The following CLECL1 variants were observed in gnomAD, a reference collection of about 807,000 sequenced individuals.
The protein encoded by CLECL1 is C-type lectin like 1.
At chr12:9,702,920 G>A in the CLECL1 span, among the ~76,000 whole-genome samples, 11 of 152,142 alleles carry the variant, frequency 7.2e-5, no homozygotes, top group Non-Finnish European at 7.4e-5. Flanking sequence ...GTAAATTTCA[G>A]TAAAATCAGT....
At chr12:9,723,564 C>G (rs1320677007) in intron 3 of CLECL1, among the ~76,000 whole-genome samples, 3 of 152,032 alleles carry the variant, frequency 2.0e-5, no homozygotes, top group Non-Finnish European at 4.4e-5. Flanking sequence ...AAAAGTTTAT[C>G]ATTTTTACAA....
downstream of CLECL1, among the ~76,000 whole-genome samples, chr12:9,722,157 G>C (rs1220552490): frequency 6.6e-6 from 1 of 152,170 alleles, no homozygotes; most frequent in Non-Finnish European, 1.5e-5. Flanking sequence ...GTTTAAAATA[G>C]TGTCCAACCT....
downstream of CLECL1, among the ~76,000 whole-genome samples, chr12:9,719,991 A>T (rs1228370513): frequency 1.3e-5 from 2 of 151,970 alleles, no homozygotes; most frequent in Non-Finnish European, 2.9e-5. Flanking sequence ...CCTTTTCTGA[A>T]AATGTTATCT....
chr12:9,731,758 C>T (rs1667125898), intron 1 of CLECL1, among the ~76,000 whole-genome samples: 1 of 152,116 alleles, frequency 6.6e-6, no homozygotes, highest in Admixed American at 6.6e-5. Flanking sequence ...GATGTTGCCC[C>T]ACATCCCTAA....
rs10844620 is a variant in CLECL1, at chr12:9,729,910, G to C, written n.83-234C>G. ...TTGGTTTCACTGTTTATATTCCCCA[G>C]TATTGATCTTACTTATGATCACTGT... On this transcript the variant is annotated intron_variant and non_coding_transcript_variant, in intron 1 of 3. Transcript: ENST00000621400. Among the ~76,000 whole-genome samples the C allele has an allele frequency of 6.6e-4, 100 of 151,626 alleles. 2 individuals carry two copies. Among genetic ancestry groups the C allele is most frequent in the South Asian group, 5.4e-3 (26 of 4,820 alleles).
chr12:9,702,215 GGGAT>G, the CLECL1 span, among the ~76,000 whole-genome samples: 2 of 152,146 alleles, frequency 1.3e-5, no homozygotes, highest in Admixed American at 6.6e-5. Context: ...ATTTTATTGA[GGGAT>G]GGAAGTGGCT....
At chr12:9,733,085 A>C, upstream of CLECL1, 1 of 1,610,280 alleles carries the variant, frequency 6.2e-7, no homozygotes, top group Non-Finnish European at 8.5e-7. Context: ...TGAAGGGACA[A>C]TCATATTTCT....
chr12:9,732,969 G>A (rs1023499997), exon 1 of CLECL1: 2 of 1,605,562 alleles, frequency 1.2e-6, no homozygotes, highest in Non-Finnish European at 8.5e-7. Flanking sequence ...AAGTGGAAAC[G>A]CGAGTTCTAA....
intron 3 of CLECL1, among the ~76,000 whole-genome samples, chr12:9,725,898 C>T (rs940421707): frequency 2.0e-5 from 3 of 151,982 alleles, no homozygotes; most frequent in Non-Finnish European, 4.4e-5. Flanking sequence ...TATATTGGTG[C>T]TGAGATTCTA....
At chr12:9,715,740 C>G (rs1279105624), downstream of CLECL1, 2 of 152,814 alleles carry the variant, frequency 1.3e-5, no homozygotes, top group Non-Finnish European at 2.9e-5. Context: ...CACTGCTGAG[C>G]TCTCTCCAGT....
chr12:9,719,455 A>G (rs866092620), downstream of CLECL1, among the ~76,000 whole-genome samples: 2 of 152,286 alleles, frequency 1.3e-5, no homozygotes, highest in African/African-American at 4.8e-5. Flanking sequence ...GAACCCGGGA[A>G]GTGGAGCTTG....
intron 1 of CLECL1, among the ~76,000 whole-genome samples, chr12:9,732,464 A>G (rs893290255): frequency 2.6e-5 from 4 of 152,212 alleles, no homozygotes; most frequent in African/African-American, 4.8e-5. Context: ...TTAATTCTAG[A>G]CTTTATAAAA....
At chr12:9,713,973 T>C (rs1866216228), downstream of CLECL1, among the ~76,000 whole-genome samples, 1 of 152,218 alleles carries the variant, frequency 6.6e-6, no homozygotes, top group African/African-American at 2.4e-5. Flanking sequence ...TATCTATGTG[T>C]AGACAGTAAT....
At chr12:9,713,360 C>T (rs1388044646), downstream of CLECL1, among the ~76,000 whole-genome samples, 1 of 152,246 alleles carries the variant, frequency 6.6e-6, no homozygotes, top group Non-Finnish European at 1.5e-5. Flanking sequence ...TCCAAACTCA[C>T]ATCTTCCTAT....
downstream of CLECL1, among the ~76,000 whole-genome samples, chr12:9,714,000 C>G (rs1866216406): frequency 6.6e-6 from 1 of 152,162 alleles, no homozygotes; most frequent in African/African-American, 2.4e-5. Flanking sequence ...GGTTAAATTT[C>G]TTATAGACCT....
intron 3 of CLECL1, among the ~76,000 whole-genome samples, chr12:9,726,828 A>G (rs1866385828): frequency 2.6e-5 from 4 of 151,880 alleles, no homozygotes; most frequent in Admixed American, 2.6e-4. Context: ...TTTGGGGATA[A>G]TGTCTCACAA....
chr12:9,723,756 AT>A (rs1166123667), intron 3 of CLECL1, among the ~76,000 whole-genome samples: 1 of 152,080 alleles, frequency 6.6e-6, no homozygotes, highest in Non-Finnish European at 1.5e-5. Flanking sequence ...TGTGTGTACA[AT>A]TTTTTTCCCC....
At chr12:9,729,661 C>A (rs750978277) in exon 2 of CLECL1, among the ~76,000 whole-genome samples, 2 of 152,074 alleles carry the variant, frequency 1.3e-5, no homozygotes, top group African/African-American at 4.8e-5. Flanking sequence ...AAGAACAATT[C>A]CATGGTGGTG....
At chr12:9,731,759 A>G (rs756324781) in intron 1 of CLECL1, among the ~76,000 whole-genome samples, 12 of 152,340 alleles carry the variant, frequency 7.9e-5, no homozygotes, top group African/African-American at 2.2e-4. Context: ...ATGTTGCCCC[A>G]CATCCCTAAA....
Sources: allele counts gnomAD v4.1 joint callset (sites outside exome capture counted in the v4.1 genomes callset), GRCh38; gene constraint gnomAD v4.1.1; transcripts MANE v1.5; gene names NCBI Gene and HGNC (gene_info 2026-07-23, HGNC 2026-07-21).